Variants in RMI1 observed in about 807,000 individuals in gnomAD.
RMI1 encodes RecQ mediated genome instability 1.
In RMI1, 36 loss-of-function variants were observed where a neutral mutation model predicts 46.7. The observed-to-expected ratio is 0.77, with a 90% CI of 0.59 to 1.02. RMI1 has a LOEUF of 1.02. Ranked by LOEUF, RMI1 falls within the 50% of genes least tolerant of loss-of-function variation. The pLI is 0.00. For missense variants in RMI1, 676 were observed against 713.7 expected (o/e 0.95, Z 0.60); for synonymous variants, 250 against 252.9 (o/e 0.99, Z 0.11).
chr9:84,000,490 T>C (rs188072465), intron 2 of RMI1, among the ~76,000 whole-genome samples: 2 of 152,154 alleles, frequency 1.3e-5, no homozygotes, highest in African/African-American at 4.8e-5. Flanking sequence ...ATATTAAGTT[T>C]GATAATATTT....
chr9:83,983,552 A>C (rs756879093), intron 1 of RMI1, among the ~76,000 whole-genome samples: 1 of 152,152 alleles, frequency 6.6e-6, no homozygotes, highest in African/African-American at 2.4e-5. Flanking sequence ...AGTCTCAGCT[A>C]TTGTCAGAAT....
rs1297421819 is a variant in RMI1 at position 84,002,253 on chromosome 9, A to C, written c.1267A>C (p.Thr423Pro). 6.2e-7 allele frequency: 1 copy of C among 1,606,704 alleles called. No individual in the cohort carries two copies. The highest frequency in any genetic ancestry group is 1.7e-5 in the Admixed American group (1 of 57,892). Residue 423 changes from threonine (T) to proline (P), a missense_variant, in exon 3 of 3, where the codon ACA (threonine) becomes CCA (proline). By Grantham distance (38) the Thr-to-Pro change is conservative (BLOSUM62 -1). Coordinates refer to ENST00000445877, the MANE Select transcript of RMI1 (RefSeq NM_001358291.2). ...DFTNKEKNLE[T>P]DNKIKQTSSS... ...TACAAATAAAGAAAAGAACTTAGAG[A>C]CAGATAATAAAATAAAACAAACCAG...
intron 1 of RMI1, among the ~76,000 whole-genome samples, chr9:83,996,881 CTT>C (rs112420862): frequency 6.8e-6 from 1 of 146,230 alleles, no homozygotes; most frequent in East Asian, 2.0e-4. Context: ...GTGCCACACA[CTT>C]TTTTTTTTTA....
chr9:84,000,280 T>C (rs1466759397), intron 2 of RMI1, among the ~76,000 whole-genome samples: 1 of 152,190 alleles, frequency 6.6e-6, no homozygotes, highest in Non-Finnish European at 1.5e-5. Flanking sequence ...TTATCTGCAG[T>C]CAACCAAGGT....
intron 1 of RMI1, among the ~76,000 whole-genome samples, chr9:83,992,713 A>C (rs1957592336): frequency 6.6e-6 from 1 of 152,210 alleles, no homozygotes; most frequent in Non-Finnish European, 1.5e-5. Context: ...TCTGTGAATG[A>C]AGATCAATTA....
intron 1 of RMI1, among the ~76,000 whole-genome samples, chr9:83,990,519 A>AC (rs1957555253): frequency 6.6e-6 from 1 of 151,924 alleles, no homozygotes; most frequent in Non-Finnish European, 1.5e-5. Flanking sequence ...TTAAAAAAAA[A>AC]AAAAAACAAT....
At chr9:83,990,317 G>C (rs1055869141) in intron 1 of RMI1, among the ~76,000 whole-genome samples, 1 of 152,118 alleles carries the variant, frequency 6.6e-6, no homozygotes, top group African/African-American at 2.4e-5. Context: ...TTCGAGACCA[G>C]CCTGGCCAAC....
At position 84,001,839 on chromosome 9, in the gene RMI1, T is replaced by C. The variant is rs762115635; in HGVS notation, c.853T>C (p.Phe285Leu). Residue 285 changes from phenylalanine to leucine, a missense_variant, in exon 3 of 3, where the codon TTT becomes CTT. By Grantham distance (22) the Phe-to-Leu change is conservative. Coordinates refer to ENST00000445877, the MANE Select transcript of RMI1 (RefSeq NM_001358291.2). ...TACCATTCCCACAAGACAGTCAAGT[T>C]TTGAGCCAGAATTTGTTATTTCTCC... ...SNTIPTRQSSFEPEFVISPRP... is the reference protein window; with the variant it reads ...SNTIPTRQSSLEPEFVISPRP... 3.3e-5 allele frequency: 53 copies of C among 1,613,944 alleles called. No homozygotes were observed. The highest frequency in any genetic ancestry group is 4.2e-5 in the Non-Finnish European group (50 of 1,179,958).
intron 1 of RMI1, among the ~76,000 whole-genome samples, chr9:83,989,793 C>G (rs1588462250): frequency 6.6e-6 from 1 of 151,890 alleles, no homozygotes; most frequent in East Asian, 1.9e-4. Flanking sequence ...GGAGGTTCCT[C>G]AAAAAAATCA....
At chr9:83,987,947 G>A (rs1422493250) in intron 1 of RMI1, among the ~76,000 whole-genome samples, 1 of 152,020 alleles carries the variant, frequency 6.6e-6, no homozygotes, top group Non-Finnish European at 1.5e-5. Context: ...GTGCAGTAGT[G>A]CAAACACGGC....
At chr9:83,994,567 T>C (rs1025551754) in intron 1 of RMI1, among the ~76,000 whole-genome samples, 9 of 152,192 alleles carry the variant, frequency 5.9e-5, no homozygotes, top group Non-Finnish European at 7.3e-5. Flanking sequence ...GTTTTTCCAT[T>C]GTGGAGTCTT....
chr9:83,997,984 A>C (rs1032561327), intron 1 of RMI1, among the ~76,000 whole-genome samples: 1 of 151,778 alleles, frequency 6.6e-6, no homozygotes, highest in Non-Finnish European at 1.5e-5. Context: ...AAATTTAAAG[A>C]TGGGATCTTG....
chr9:83,994,211 A>G (rs1251473107), intron 1 of RMI1, among the ~76,000 whole-genome samples: 2 of 152,112 alleles, frequency 1.3e-5, no homozygotes, highest in Non-Finnish European at 2.9e-5. Flanking sequence ...CTTATCTGAT[A>G]TGTGGTTTGC....
chr9:84,001,961 T>C lies in RMI1; in HGVS notation c.975T>C (p.Thr325=), dbSNP rs1588474724. 2.5e-6 allele frequency: 4 copies of C among 1,614,058 alleles called. No homozygotes were observed. In the East Asian group the frequency reaches 8.9e-5, roughly 36 times the overall value. The change falls in exon 3 of 3, where the codon ACT becomes ACC. Residue 325 remains threonine, a synonymous_variant. Coordinates refer to ENST00000445877, the MANE Select transcript of RMI1 (RefSeq NM_001358291.2). ...AGGAGGCCTTGCTTTTAGAAGAAAC[T>C]GTCCAGAAAGAACAGATGGAAACTA... ...SLEEALLLEE[T]VQKEQMETKE...
chr9:83,994,049 G>T (rs1459663441), intron 1 of RMI1, among the ~76,000 whole-genome samples: 4 of 151,486 alleles, frequency 2.6e-5, no homozygotes, highest in South Asian at 2.1e-4. Flanking sequence ...CTCCCAAAGT[G>T]CTGGGATTAC....
chr9:84,000,362 G>A (rs1332692656), intron 2 of RMI1, among the ~76,000 whole-genome samples: 1 of 152,106 alleles, frequency 6.6e-6, no homozygotes, highest in African/African-American at 2.4e-5. Flanking sequence ...CGAATAGTGT[G>A]ATGAAATCAT....
At chr9:83,983,579 A>G (rs1368459870) in intron 1 of RMI1, among the ~76,000 whole-genome samples, 2 of 152,198 alleles carry the variant, frequency 1.3e-5, no homozygotes, top group Admixed American at 6.6e-5. Context: ...CGTAAGGTCC[A>G]AAAGGATGAC....
intron 1 of RMI1, among the ~76,000 whole-genome samples, chr9:83,989,793 CAAAA>C (rs375788717): frequency 4.6e-5 from 7 of 152,006 alleles, no homozygotes; most frequent in African/African-American, 1.7e-4. Flanking sequence ...GGAGGTTCCT[CAAAA>C]AAATCAAAAT....
chr9:83,989,667 C>CA (rs34101686), intron 1 of RMI1, among the ~76,000 whole-genome samples: 42,381 of 141,824 alleles, frequency 0.3, 6,383 homozygotes, highest in African/African-American at 0.4. Context: ...ATCAAAAAGA[C>CA]AAAAAAAAAA....
Sources: allele counts gnomAD v4.1 joint callset (sites outside exome capture counted in the v4.1 genomes callset), GRCh38; gene constraint gnomAD v4.1.1; transcripts MANE v1.5; gene names NCBI Gene and HGNC (gene_info 2026-07-23, HGNC 2026-07-21).